PIP5K1C: variants seen among roughly 807,000 people sequenced by gnomAD.
PIP5K1C encodes phosphatidylinositol-4-phosphate 5-kinase type 1 gamma.
PIP5K1C carries 45 observed loss-of-function variants against 80.1 expected under a neutral mutation model. The observed-to-expected ratio is 0.56, with a 90% CI of 0.44 to 0.72. The LOEUF (loss-of-function observed/expected upper bound fraction) is 0.72, where lower values mean the gene tolerates loss of function less well. Among genes scored for constraint, PIP5K1C ranks in the 30% least tolerant of loss-of-function variants. The pLI, the probability that PIP5K1C is intolerant of heterozygous loss-of-function variation, is 0.00. For missense variants in PIP5K1C, 753 were observed against 954.6 expected, an observed-to-expected ratio of 0.79 and a Z score of 2.78; for synonymous variants, 498 against 420.1, an observed-to-expected ratio of 1.19 and a Z score of -2.27.
At chr19:3,640,630 A>C (rs2033920996) in intron 15 of PIP5K1C, among the ~76,000 whole-genome samples, 2 of 152,084 alleles carry the variant, frequency 1.3e-5, no homozygotes, top group African/African-American at 4.8e-5. Context: ...CTTCAATACA[A>C]AAATCAATAA....
At chr19:3,693,227 C>T (rs924940970) in intron 1 of PIP5K1C, among the ~76,000 whole-genome samples, 1 of 152,214 alleles carries the variant, frequency 6.6e-6, no homozygotes, top group African/African-American at 2.4e-5. Flanking sequence ...CCTTCAGCAG[C>T]AGCCCTGCCT....
At chr19:3,659,825 C>T (rs1325832700) in intron 5 of PIP5K1C, among the ~76,000 whole-genome samples, 1 of 152,194 alleles carries the variant, frequency 6.6e-6, no homozygotes, top group Non-Finnish European at 1.5e-5. Flanking sequence ...AAACCAAACG[C>T]ACGCACAGTC....
chr19:3,637,572 G>C lies in PIP5K1C; in HGVS notation c.1920+1312C>G, dbSNP rs760144264. ...CGCTCAGCGTCACGGCCCGCAGTCG[G>C]CGATGGCGGGGAGAGTAAATCCAGT... is the stretch of plus-strand genomic sequence containing the variant. On this transcript the variant is annotated intron_variant, in intron 16 of 17. Transcript: ENST00000335312. The surrounding 1 kb of genome is among the most constrained non-coding windows in gnomAD (Gnocchi z 7.0). The C allele has an allele frequency of 3.3e-6, 5 of 1,534,766 alleles. No individual in the cohort carries two copies. The South Asian group carries it at 4.8e-5, about 15-fold the overall frequency.
At chr19:3,686,080 T>C (rs2035751027) in intron 1 of PIP5K1C, among the ~76,000 whole-genome samples, 1 of 152,016 alleles carries the variant, frequency 6.6e-6, no homozygotes, top group African/African-American at 2.4e-5. Context: ...CTCAAACTCC[T>C]GGGCTCAACT....
intron 6 of PIP5K1C, among the ~76,000 whole-genome samples, chr19:3,656,156 C>T (rs1288202890): frequency 6.6e-6 from 1 of 152,154 alleles, no homozygotes; most frequent in Non-Finnish European, 1.5e-5. Flanking sequence ...GGGGCCGGTG[C>T]CCACCCAGCC....
intron 1 of PIP5K1C, among the ~76,000 whole-genome samples, chr19:3,682,329 G>A (rs1389543843): frequency 6.8e-6 from 1 of 146,168 alleles, no homozygotes; most frequent in East Asian, 2.0e-4. Context: ...AGCTGAGATC[G>A]CACCACTGCA....
intron 16 of PIP5K1C, among the ~76,000 whole-genome samples, chr19:3,635,832 T>C (rs557288518): frequency 6.6e-6 from 1 of 151,990 alleles, no homozygotes; most frequent in South Asian, 2.1e-4. Context: ...ACAAAAAAAT[T>C]AGCCAGGCAT....
chr19:3,691,049 G>A lies in PIP5K1C; in HGVS notation c.94+9248C>T, dbSNP rs536140445. On this transcript the variant is annotated intron_variant, in intron 1 of 17. Transcript: ENST00000335312. Reference sequence around the variant, plus strand: ...GAGTGGGAGGGAGCTCCTGTGTGGCGAGTCCCTTCGCCTCTAGTGGTCTCT... The same window carrying A: ...GAGTGGGAGGGAGCTCCTGTGTGGCAAGTCCCTTCGCCTCTAGTGGTCTCT... Among the ~76,000 whole-genome samples the A allele has an allele frequency of 9.2e-5, 14 of 152,300 alleles. 1 individual carries two copies. The highest frequency in any genetic ancestry group is 8.3e-4 in the South Asian group (4 of 4,830).
At chr19:3,634,766 T>C (rs749478311) in intron 16 of PIP5K1C, among the ~76,000 whole-genome samples, 5 of 152,268 alleles carry the variant, frequency 3.3e-5, no homozygotes, top group Middle Eastern at 6.8e-3. Context: ...ATGCTCCCTC[T>C]AAAGGGCCCA....
intron 2 of PIP5K1C, among the ~76,000 whole-genome samples, chr19:3,666,507 G>A (rs1251744339): frequency 6.6e-6 from 1 of 152,076 alleles, no homozygotes; most frequent in East Asian, 1.9e-4. Context: ...ACGTGCAGAC[G>A]TGCACACAGG....
Position 3,680,660 on chromosome 19 carries a change from C to T in PIP5K1C, c.95-13307G>A, listed in dbSNP as rs76584397. ...TAAGCACCTGGAAAGCACAGAATCA[C>T]ATAAAAGACACCCATCTATTACTAC... On this transcript the variant is annotated intron_variant, in intron 1 of 17. Coordinates refer to ENST00000335312, the MANE Select transcript of PIP5K1C (RefSeq NM_012398.3). Among the ~76,000 whole-genome samples the T allele has an allele frequency of 9.2e-3, 1,406 of 152,342 alleles. 16 individuals are homozygous for T. Among genetic ancestry groups the T allele is most frequent in the Middle Eastern group, 0.02 (6 of 294 alleles).
rs576055764 is a variant in PIP5K1C at position 3,653,839 on chromosome 19, C to T, written c.622-250G>A. On this transcript the variant is annotated intron_variant, in intron 6 of 17. Coordinates refer to ENST00000335312, the MANE Select transcript of PIP5K1C (RefSeq NM_012398.3). Reference sequence around the variant, plus strand: ...CTACAGAGCCAGGCCCCAAGGCAGGCGCTTCTGTTCCAGCAGAAGCTTCCA... The same window carrying T: ...CTACAGAGCCAGGCCCCAAGGCAGGTGCTTCTGTTCCAGCAGAAGCTTCCA... Among the ~76,000 whole-genome samples, 220 of 152,366 alleles carry T rather than the reference C, an allele frequency of 1.4e-3. 2 individuals are homozygous for T. The highest frequency in any genetic ancestry group is 5.1e-3 in the African/African-American group (212 of 41,588).
Position 3,700,426 on chromosome 19 carries a change from G to C in PIP5K1C, c.-36C>G, listed in dbSNP as rs569975073. The C allele has an allele frequency of 3.9e-5, 41 of 1,042,964 alleles. No individual in the cohort carries two copies. Among genetic ancestry groups the C allele is most frequent in the Non-Finnish European group, 4.5e-5 (39 of 864,180 alleles). 64.6% of individuals were successfully genotyped at this position (1,042,964 alleles called of 1,614,324 possible). On this transcript the variant is annotated 5_prime_UTR_variant, in exon 1 of 18. Coordinates refer to ENST00000335312, the MANE Select transcript of PIP5K1C (RefSeq NM_012398.3). ...GGACGGCGGCGGGGGCGCCCGAGGG[G>C]GACCCGAGCTGCGACCGCCGCCGCC...
Position 3,664,848 on chromosome 19 carries a change from C to A in PIP5K1C, c.193G>T (p.Ala65Ser), listed in dbSNP as rs1465597051. The A allele has an allele frequency of 6.2e-7, 1 of 1,613,176 alleles. No individual in the cohort carries two copies. The highest frequency in any genetic ancestry group is 1.3e-5 in the African/African-American group (1 of 75,048). Residue 65 changes from alanine (A) to serine (S), a missense_variant, in exon 3 of 18, where the codon GCA (alanine) becomes TCA (serine). Physicochemically the swap from Ala to Ser is moderately conservative, Grantham distance 99. Coordinates refer to ENST00000335312, the MANE Select transcript of PIP5K1C (RefSeq NM_012398.3). Reference sequence around the variant, plus strand: ...TTCTTGTAGGTGGTTTCGCCGGATGCGTCCACACCTCGATGGCCCAACTTC... The same window carrying A: ...TTCTTGTAGGTGGTTTCGCCGGATGAGTCCACACCTCGATGGCCCAACTTC... ...GKKLGHRGVD[A>S]SGETTYKKTT...
At chr19:3,638,844 G>A (rs369303596) in intron 16 of PIP5K1C, 40 bp downstream of exon 16, 37 of 1,611,934 alleles carry the variant, frequency 2.3e-5, no homozygotes, top group African/African-American at 1.3e-4. Flanking sequence ...GAGAGAGTCC[G>A]GTTGACGAGC....
chr19:3,632,631 C>G lies in PIP5K1C; in HGVS notation c.*536G>C, dbSNP rs1167428598. 3 of 154,112 alleles carry G rather than the reference C, an allele frequency of 1.9e-5. No individual in the cohort carries two copies. The highest frequency in any genetic ancestry group is 4.3e-5 in the Non-Finnish European group (3 of 69,374). 9.5% of individuals were successfully genotyped at this position (154,112 alleles called of 1,614,324 possible). A position where few individuals can be genotyped will look rare whatever the true frequency, so the allele number is the denominator to read the frequency against. ...GGCCAGATGTCCTGCACTGAGGCCC[C>G]CAAACCCAAGCTGAGGGCAGGAGGG... On this transcript the variant is annotated 3_prime_UTR_variant, in exon 18 of 18. Coordinates refer to ENST00000335312, the MANE Select transcript of PIP5K1C (RefSeq NM_012398.3).
chr19:3,679,883 G>A (rs1277930707), intron 1 of PIP5K1C, among the ~76,000 whole-genome samples: 7 of 152,252 alleles, frequency 4.6e-5, no homozygotes, highest in African/African-American at 9.6e-5. Context: ...AGCCTAGAAC[G>A]TGCCCGGCAT....
intron 11 of PIP5K1C, among the ~76,000 whole-genome samples, chr19:3,645,202 C>T (rs148712934): frequency 4.4e-4 from 67 of 152,316 alleles, no homozygotes; most frequent in African/African-American, 1.5e-3. Flanking sequence ...GGTGCGGACC[C>T]GCAGATCATT....
intron 1 of PIP5K1C, among the ~76,000 whole-genome samples, chr19:3,697,382 G>A (rs983704904): frequency 4.2e-4 from 61 of 146,912 alleles, no homozygotes; most frequent in Admixed American, 3.6e-3. Flanking sequence ...TGAGCCAGAC[G>A]GAGGAGGACT....
Sources: allele counts gnomAD v4.1 joint callset (sites outside exome capture counted in the v4.1 genomes callset), GRCh38; gene constraint gnomAD v4.1.1; non-coding constraint Gnocchi (gnomAD v3.1); transcripts MANE v1.5; gene names NCBI Gene and HGNC (gene_info 2026-07-23, HGNC 2026-07-21).